The following GPATCH2 variants were observed in gnomAD, a reference collection of about 807,000 sequenced individuals.
GPATCH2 encodes G-patch domain containing 2, also known as G patch domain-containing protein 2.
Under a neutral mutation model 58.0 loss-of-function variants are expected in GPATCH2, and 51 were observed. That is an observed-to-expected ratio of 0.88 (90% CI 0.70 to 1.11). The LOEUF (loss-of-function observed/expected upper bound fraction) is 1.11. Ranked by LOEUF, GPATCH2 falls within the 50% of genes most tolerant of loss-of-function variation. GPATCH2 has a pLI of 0.00. For synonymous variants in GPATCH2, 222 were observed against 218.5 expected (o/e 1.02, Z -0.14); for missense variants, 625 against 652.2 (o/e 0.96, Z 0.45).
chr1:217,553,978 C>A (rs1665488867), intron 5 of GPATCH2, among the ~76,000 whole-genome samples: 1 of 152,034 alleles, frequency 6.6e-6, no homozygotes, highest in Non-Finnish European at 1.5e-5. Context: ...GCCTAGTGAA[C>A]AAGCAAAAAA....
At chr1:217,467,942 G>T (rs966204236) in intron 8 of GPATCH2, among the ~76,000 whole-genome samples, 1 of 152,146 alleles carries the variant, frequency 6.6e-6, no homozygotes, top group Admixed American at 6.5e-5. Context: ...TCTCCCATTG[G>T]CCACAGATGG....
Position 217,440,183 on chromosome 1 carries a change from C to T in GPATCH2, c.1367-8818G>A, listed in dbSNP as rs185151234. Reference sequence around the variant, plus strand: ...TCCAACATGATCAAGTCGGCTTCATCCCTGGGATGCAAGGCTGGTTCAACA... The same window carrying T: ...TCCAACATGATCAAGTCGGCTTCATTCCTGGGATGCAAGGCTGGTTCAACA... On this transcript the variant is annotated intron_variant, in intron 9 of 9. Transcript: ENST00000366935. Among the ~76,000 whole-genome samples, 7 of 152,278 alleles carry T rather than the reference C, an allele frequency of 4.6e-5. No homozygotes were observed. The East Asian group carries it at 1.2e-3, about 25-fold the overall frequency.
At chr1:217,432,995 T>C (rs1176999804) in intron 9 of GPATCH2, among the ~76,000 whole-genome samples, 4 of 152,074 alleles carry the variant, frequency 2.6e-5, no homozygotes. Context: ...TAGACAGAGG[T>C]TGAAATGGTC....
At chr1:217,439,998 C>T (rs943739933) in intron 9 of GPATCH2, among the ~76,000 whole-genome samples, 1 of 152,192 alleles carries the variant, frequency 6.6e-6, no homozygotes, top group African/African-American at 2.4e-5. Flanking sequence ...AGAGGGACTC[C>T]TCCCAGACTC....
intron 5 of GPATCH2, among the ~76,000 whole-genome samples, chr1:217,523,176 TTTTA>T (rs1663560615): frequency 1.3e-5 from 2 of 151,046 alleles, no homozygotes; most frequent in South Asian, 4.2e-4. Context: ...CAGTTTTTTA[TTTTA>T]TTTTATTTTT....
intron 8 of GPATCH2, among the ~76,000 whole-genome samples, chr1:217,451,089 A>G (rs1220019125): frequency 6.6e-6 from 1 of 152,160 alleles, no homozygotes; most frequent in Non-Finnish European, 1.5e-5. Context: ...GAAAACATAA[A>G]TATGTGTATA....
intron 5 of GPATCH2, among the ~76,000 whole-genome samples, chr1:217,524,723 T>C (rs1199811225): frequency 6.7e-6 from 1 of 150,370 alleles, no homozygotes; most frequent in African/African-American, 2.4e-5. Flanking sequence ...CAGTCAGGCG[T>C]GGCAGCGCGC....
chr1:217,520,942 T>C (rs1663421174), intron 5 of GPATCH2, among the ~76,000 whole-genome samples: 1 of 152,194 alleles, frequency 6.6e-6, no homozygotes, highest in African/African-American at 2.4e-5. Context: ...ACTCCTGGGC[T>C]CAAGCAATTC....
chr1:217,452,390 G>A (rs1041954375), intron 8 of GPATCH2, among the ~76,000 whole-genome samples: 6 of 152,224 alleles, frequency 3.9e-5, no homozygotes, highest in African/African-American at 1.2e-4. Context: ...ATTAGCCAGG[G>A]CACGTTTCTT....
At chr1:217,543,034 C>A (rs1664831411) in intron 5 of GPATCH2, among the ~76,000 whole-genome samples, 1 of 152,168 alleles carries the variant, frequency 6.6e-6, no homozygotes, top group South Asian at 2.1e-4. Context: ...AAACACCTGC[C>A]ATGAGCCAGG....
intron 2 of GPATCH2, among the ~76,000 whole-genome samples, chr1:217,614,410 G>A (rs1668784035): frequency 1.3e-5 from 2 of 151,788 alleles, no homozygotes; most frequent in African/African-American, 2.4e-5. Flanking sequence ...AAAACCACAG[G>A]AATCTAATGG....
At chr1:217,446,343 T>C (rs1370765436) in intron 9 of GPATCH2, among the ~76,000 whole-genome samples, 2 of 152,142 alleles carry the variant, frequency 1.3e-5, no homozygotes, top group African/African-American at 2.4e-5. Flanking sequence ...AACTCTTTAT[T>C]ATGTGACTGA....
chr1:217,513,896 C>T (rs1662982311), intron 6 of GPATCH2, among the ~76,000 whole-genome samples: 1 of 151,506 alleles, frequency 6.6e-6, no homozygotes, highest in Non-Finnish European at 1.5e-5. Context: ...GCGATCTCGG[C>T]TCACTGTAAC....
rs990029075 is a variant in GPATCH2 at position 217,527,489 on chromosome 1, T to A, written c.1099-12600A>T. ...GGCCAATAACATCCATTTTTTTTTT[T>A]TTTTTGACTAGGAGTTAAAGACCAA... On this transcript the variant is annotated intron_variant, in intron 5 of 9. Transcript: ENST00000366935. Among the ~76,000 whole-genome samples, 27 of 152,054 alleles carry A rather than the reference T, an allele frequency of 1.8e-4. 1 individual carries two copies. The highest frequency in any genetic ancestry group is 1.4e-3 in the Admixed American group (21 of 15,268).
rs772124397 is a variant in GPATCH2 at position 217,429,154 on chromosome 1, C to G, written c.*1991G>C. Reference sequence around the variant, plus strand: ...GACCCCAGAGCACAATACACTATCACAAAGAAGTTTTAAAACTTGTATATA... The same window carrying G: ...GACCCCAGAGCACAATACACTATCAGAAAGAAGTTTTAAAACTTGTATATA... On this transcript the variant is annotated 3_prime_UTR_variant, in exon 10 of 10. Transcript: ENST00000366935. 1.3e-5 allele frequency: 2 copies of G among 152,050 alleles called. No homozygotes were observed. The highest frequency in any genetic ancestry group is 2.9e-5 in the Non-Finnish European group (2 of 68,004). 9.4% of individuals were successfully genotyped at this position (152,050 alleles called of 1,614,324 possible).
chr1:217,533,518 G>T (rs1255070629), intron 5 of GPATCH2, among the ~76,000 whole-genome samples: 1 of 152,182 alleles, frequency 6.6e-6, no homozygotes, highest in African/African-American at 2.4e-5. Flanking sequence ...CACACTTCGA[G>T]AAGCATTGCC....
At chr1:217,472,562 A>G (rs899977054) in intron 8 of GPATCH2, among the ~76,000 whole-genome samples, 77 of 152,246 alleles carry the variant, frequency 5.1e-4, no homozygotes, top group African/African-American at 1.8e-3. Flanking sequence ...TCGGCCTCCT[A>G]AAGTGCTGGG....
intron 5 of GPATCH2, among the ~76,000 whole-genome samples, chr1:217,553,765 T>C (rs1015062875): frequency 6.6e-6 from 1 of 152,170 alleles, no homozygotes; most frequent in Non-Finnish European, 1.5e-5. Flanking sequence ...ATTTGAGAAA[T>C]CATTTGTCAA....
intron 8 of GPATCH2, among the ~76,000 whole-genome samples, chr1:217,450,876 C>T (rs1659635937): frequency 1.3e-5 from 2 of 152,098 alleles, no homozygotes; most frequent in Admixed American, 1.3e-4. Context: ...AATGATGTCA[C>T]AGAGAAGACA....
Sources: allele counts gnomAD v4.1 joint callset (sites outside exome capture counted in the v4.1 genomes callset), GRCh38; gene constraint gnomAD v4.1.1; transcripts MANE v1.5; gene names NCBI Gene and HGNC (gene_info 2026-07-23, HGNC 2026-07-21).